The following FBXO22 variants were observed in gnomAD, a reference collection of about 807,000 sequenced individuals.
The protein encoded by FBXO22 is F-box protein 22, also known as F-box only protein 22.
FBXO22 carries 13 observed loss-of-function variants against 37.2 expected under a neutral mutation model. The ratio of observed to expected loss-of-function variants is 0.35; its 90% CI spans 0.23 to 0.56. FBXO22 has a LOEUF of 0.56. Among genes scored for constraint, FBXO22 ranks in the 20% least tolerant of loss-of-function variants. The pLI is 0.87. For synonymous variants in FBXO22, 189 were observed against 189.1 expected (o/e 1.00, Z 0.00); for missense variants, 446 against 509.9 (o/e 0.87, Z 1.21).
At chr15:75,925,294 ATAAGT>A (rs1170877999) in intron 5 of FBXO22, among the ~76,000 whole-genome samples, 1 of 152,220 alleles carries the variant, frequency 6.6e-6, no homozygotes, top group East Asian at 1.9e-4. Context: ...CAGGCATTAA[ATAAGT>A]TAATTTCTAT....
In FBXO22 at chr15:75,903,938, G is replaced by A. The variant is rs747310048; in HGVS notation, c.-26G>A. ...ATCGGGTTCCTCCGAGCCGCCGTAGGACTGGTTCCGGCGGGCTGGTGAGGA... is the reference window on the plus strand; with the variant it reads ...ATCGGGTTCCTCCGAGCCGCCGTAGAACTGGTTCCGGCGGGCTGGTGAGGA... On this transcript the variant is annotated 5_prime_UTR_variant, in exon 1 of 7. Coordinates refer to ENST00000308275, the MANE Select transcript of FBXO22 (RefSeq NM_147188.3). 12 of 1,522,390 alleles carry A rather than the reference G, an allele frequency of 7.9e-6. No homozygotes were observed. Among genetic ancestry groups the A allele is most frequent in the Non-Finnish European group, 9.7e-6 (11 of 1,130,218 alleles). 94.3% of individuals were successfully genotyped at this position (1,522,390 alleles called of 1,614,324 possible).
At chr15:75,931,428 T>C (rs1434213556) in intron 6 of FBXO22, among the ~76,000 whole-genome samples, 1 of 152,126 alleles carries the variant, frequency 6.6e-6, no homozygotes, top group Admixed American at 6.5e-5. Context: ...AAAAGGAAGA[T>C]GTATAATTCT....
In FBXO22 at chr15:75,932,800, G is replaced by A; in HGVS notation, c.910G>A (p.Ala304Thr). 1 of 1,614,266 alleles carries A rather than the reference G, an allele frequency of 6.2e-7. No individual in the cohort carries two copies. Among genetic ancestry groups the A allele is most frequent in the Non-Finnish European group, 8.5e-7 (1 of 1,180,054 alleles). The change falls in exon 7 of 7, where the codon GCT (alanine) becomes ACT (threonine). Residue 304 changes from alanine to threonine, a missense_variant. This residue lies in a region of FBXO22 where 315 missense variants were observed against 410.1 expected (regional missense o/e 0.77). Transcript: ENST00000308275. ...EDVSDEKTAE[A>T]AMQRLKAANI... Reference sequence around the variant, plus strand: ...CGTCAGTGATGAGAAGACTGCTGAGGCTGCGATGCAGCGCCTCAAAGCGGC... The same window carrying A: ...CGTCAGTGATGAGAAGACTGCTGAGACTGCGATGCAGCGCCTCAAAGCGGC...
At position 75,904,640 on chromosome 15, in the gene FBXO22, A is replaced by G. The variant is rs766519487; in HGVS notation, c.279+11A>G. The G allele has an allele frequency of 6.3e-7, 1 of 1,598,204 alleles. No homozygotes were observed. The highest frequency in any genetic ancestry group is 8.5e-7 in the Non-Finnish European group (1 of 1,170,090). The stretch of plus-strand genomic sequence containing the variant: ...GCAGAGGAGCTTGAGGCAAGTAGCA[A>G]GGGGTGTCATGCACAGTCATTTGCA... On this transcript the variant is annotated intron_variant, in intron 2 of 6. Coordinates refer to ENST00000308275, the MANE Select transcript of FBXO22 (RefSeq NM_147188.3).
Position 75,938,410 on chromosome 15 carries a change from G to A in FBXO22, c.*5308G>A, listed in dbSNP as rs2030590536. The A allele has an allele frequency of 6.6e-6, 1 of 152,104 alleles. No homozygotes were observed. Among genetic ancestry groups the A allele is most frequent in the South Asian group, 2.1e-4 (1 of 4,826 alleles). 9.4% of individuals were successfully genotyped at this position (152,104 alleles called of 1,614,324 possible). ...AATCACAAACCATACAAAGGAACAGGAAAATAATGCGCATTCAAAAGATCA... is the reference window on the plus strand; with the variant it reads ...AATCACAAACCATACAAAGGAACAGAAAAATAATGCGCATTCAAAAGATCA... On this transcript the variant is annotated 3_prime_UTR_variant, in exon 7 of 7. Transcript: ENST00000308275.
chr15:75,916,720 C>G lies in FBXO22; in HGVS notation c.464-510C>G, dbSNP rs185190138. On this transcript the variant is annotated intron_variant, in intron 4 of 6. Transcript: ENST00000308275. Reference sequence around the variant, plus strand: ...TTGTCATCATTTTAATGGCTATATTCTATGATACCAATGTAACTTTTAATC... The same window carrying G: ...TTGTCATCATTTTAATGGCTATATTGTATGATACCAATGTAACTTTTAATC... 5.6e-3 allele frequency among the ~76,000 whole-genome samples: 858 copies of G among 152,210 alleles called. 4 individuals carry two copies. Among genetic ancestry groups the G allele is most frequent in the Non-Finnish European group, 8.8e-3 (598 of 68,018 alleles).
intron 4 of FBXO22, among the ~76,000 whole-genome samples, 163 bp from the exon 5 acceptor site, chr15:75,917,067 G>T (rs1215478901): frequency 6.6e-6 from 1 of 152,138 alleles, no homozygotes; most frequent in Non-Finnish European, 1.5e-5. Flanking sequence ...CCATTTGAAA[G>T]TTAAATGGCA....
intron 5 of FBXO22, among the ~76,000 whole-genome samples, chr15:75,921,079 A>G (rs1184332786): frequency 6.6e-6 from 1 of 152,216 alleles, no homozygotes; most frequent in Non-Finnish European, 1.5e-5. Flanking sequence ...TATTGCCCCT[A>G]GACTACAAAC....
chr15:75,918,335 A>G (rs1257474978), intron 5 of FBXO22, among the ~76,000 whole-genome samples: 1 of 151,642 alleles, frequency 6.6e-6, no homozygotes, highest in East Asian at 1.9e-4. Context: ...AAAAAAAAAA[A>G]CTTGCAAGTC....
chr15:75,926,554 A>C (rs57011816), intron 5 of FBXO22, among the ~76,000 whole-genome samples: 6,008 of 152,298 alleles, frequency 0.039, 212 homozygotes, highest in African/African-American at 0.094. Flanking sequence ...GAAGATGTTG[A>C]AAGAACACCA....
chr15:75,933,472 T>G lies in FBXO22; in HGVS notation c.*370T>G, dbSNP rs866154924. The G allele has an allele frequency of 4.9e-6, 1 of 202,928 alleles. No individual in the cohort carries two copies. Among genetic ancestry groups the G allele is most frequent in the African/African-American group, 2.4e-5 (1 of 41,906 alleles). The allele number at this position is 202,928 out of a possible 1,614,324, so 12.6% of individuals were successfully genotyped here. On this transcript the variant is annotated 3_prime_UTR_variant, in exon 7 of 7. Transcript: ENST00000308275. ...CATTCCCTGACTACCCCTTGCGTTG[T>G]TAGGTGATGTCTTTTAGCAGAATCA...
chr15:75,932,662 T>C (rs770237215), intron 6 of FBXO22, 23 bp from the exon 7 acceptor site: 25 of 1,551,478 alleles, frequency 1.6e-5, no homozygotes, highest in Non-Finnish European at 2.2e-5. Context: ...CATGAGATAT[T>C]GCCACTTTTC....
chr15:75,920,465 A>G (rs1019798439), intron 5 of FBXO22, among the ~76,000 whole-genome samples: 2 of 152,312 alleles, frequency 1.3e-5, no homozygotes, highest in South Asian at 2.1e-4. Flanking sequence ...AAGATGATCA[A>G]TGTGTTGATG....
rs2030984289 is a variant in FBXO22, at chr15:75,941,793, T to C, written c.*8691T>C. 1 of 151,966 alleles carries C rather than the reference T, an allele frequency of 6.6e-6. No homozygotes were observed. The highest frequency in any genetic ancestry group is 1.5e-5 in the Non-Finnish European group (1 of 67,962). The allele number at this position is 151,966 out of a possible 1,614,324, so 9.4% of individuals were successfully genotyped here. On this transcript the variant is annotated 3_prime_UTR_variant, in exon 7 of 7. Transcript: ENST00000308275. ...ATTTATTGTTTAAGGGGCACAGAGA[T>C]TAGTGTGGGATCATGAAAAAGTTCC...
chr15:75,905,954 G>A (rs1290069404), intron 2 of FBXO22, among the ~76,000 whole-genome samples: 1 of 152,122 alleles, frequency 6.6e-6, no homozygotes, highest in Non-Finnish European at 1.5e-5. Context: ...TGATTGTTTT[G>A]TGAAGAGATC....
intron 6 of FBXO22, among the ~76,000 whole-genome samples, chr15:75,932,361 C>A (rs1595920018): frequency 6.6e-6 from 1 of 152,278 alleles, no homozygotes; most frequent in African/African-American, 2.4e-5. Context: ...AAAATTATAA[C>A]ATTCCTTTTA....
At chr15:75,930,722 A>G (rs1746577689) in intron 6 of FBXO22, 2 of 985,422 alleles carry the variant, frequency 2.0e-6, no homozygotes, top group African/African-American at 1.7e-5. Flanking sequence ...GTTTGAAACA[A>G]TTAGGTGGAC....
Position 75,936,009 on chromosome 15 carries a change from G to A in FBXO22, c.*2907G>A, listed in dbSNP as rs1025828534. ...TCACCGTGTTAGCCAAGATGGTCTC[G>A]ATCTCCTGACCTTGTGATCCGCCCG... On this transcript the variant is annotated 3_prime_UTR_variant, in exon 7 of 7. Coordinates refer to ENST00000308275, the MANE Select transcript of FBXO22 (RefSeq NM_147188.3). The A allele has an allele frequency of 2.0e-5, 3 of 152,086 alleles. No homozygotes were observed. Among genetic ancestry groups the A allele is most frequent in the Admixed American group, 6.5e-5 (1 of 15,270 alleles). The allele number at this position is 152,086 out of a possible 1,614,324, so 9.4% of individuals were successfully genotyped here. A position where few individuals can be genotyped will look rare whatever the true frequency, so the allele number is the denominator to read the frequency against.
chr15:75,933,051 T>G lies in FBXO22; in HGVS notation c.1161T>G (p.Phe387Leu). 1 of 1,614,166 alleles carries G rather than the reference T, an allele frequency of 6.2e-7. No individual in the cohort carries two copies. The highest frequency in any genetic ancestry group is 1.6e-4 in the Middle Eastern group (1 of 6,062). Reference sequence around the variant, plus strand: ...ATGAGGTAAAAGATGATGATCTGTTTCATAGCTATACAACAATAATGGCAC... The same window carrying G: ...ATGAGGTAAAAGATGATGATCTGTTGCATAGCTATACAACAATAATGGCAC... ...KCNEVKDDDL[F>L]HSYTTIMALI... The change falls in exon 7 of 7, where the codon TTT becomes TTG. Residue 387 changes from phenylalanine (F) to leucine (L), a missense_variant. Physicochemically the swap from Phe to Leu is conservative, Grantham distance 22. This residue lies in a region of FBXO22 where 315 missense variants were observed against 410.1 expected (regional missense o/e 0.77). Transcript: ENST00000308275.
Sources: allele counts gnomAD v4.1 joint callset (sites outside exome capture counted in the v4.1 genomes callset), GRCh38; gene constraint gnomAD v4.1.1; regional missense constraint gnomAD v4.1.1; transcripts MANE v1.5; gene names NCBI Gene and HGNC (gene_info 2026-07-23, HGNC 2026-07-21).